Variants in RASGEF1B observed in about 807,000 individuals in gnomAD.
The protein encoded by RASGEF1B is RasGEF domain family member 1B, also known as ras-GEF domain-containing family member 1B.
Under a neutral mutation model 65.7 loss-of-function variants are expected in RASGEF1B, and 30 were observed. The ratio of observed to expected loss-of-function variants is 0.46; its 90% confidence interval spans 0.34 to 0.62. RASGEF1B has a LOEUF of 0.62. Among genes scored for constraint, RASGEF1B ranks in the 20% least tolerant of loss-of-function variants. RASGEF1B has a pLI of 0.01. For synonymous variants in RASGEF1B, 175 were observed against 194.8 expected, an observed-to-expected ratio of 0.90 and a Z score of 0.85; for missense variants, 495 against 580.1, an observed-to-expected ratio of 0.85 and a Z score of 1.51.
intron 8 of RASGEF1B, among the ~76,000 whole-genome samples, 177 bp downstream of exon 8, chr4:81,445,349 G>T (rs1179383358): frequency 2.0e-5 from 3 of 152,178 alleles, no homozygotes; most frequent in Non-Finnish European, 2.9e-5. Flanking sequence ...ACTTAAGAAA[G>T]ATTACACACA....
chr4:81,433,456 C>T lies in RASGEF1B; in HGVS notation c.1324+384G>A, dbSNP rs116392316. The stretch of plus-strand genomic sequence containing the variant: ...CAAAATGTTCCAGTACTTTTTTAAA[C>T]GGCAGGGGGTAGCAATTTACTGTTT... On this transcript the variant is annotated intron_variant, in intron 12 of 13. Transcript: ENST00000264400. Among the ~76,000 whole-genome samples the T allele has an allele frequency of 4.5e-3, 681 of 151,932 alleles. 7 individuals are homozygous for T. The highest frequency in any genetic ancestry group is 0.015 in the African/African-American group (632 of 41,440).
chr4:81,453,546 GAGGTT>G (rs950966862), intron 4 of RASGEF1B: 3 of 152,224 alleles, frequency 2.0e-5, no homozygotes, highest in African/African-American at 7.2e-5. Flanking sequence ...TTTTCAATCT[GAGGTT>G]GGTTGAACCC....
Position 81,434,668 on chromosome 4 carries a change from G to T in RASGEF1B, c.1171C>A (p.Arg391Ser), listed in dbSNP as rs373675008. 1 of 1,605,360 alleles carries T rather than the reference G, an allele frequency of 6.2e-7. No individual in the cohort carries two copies. Among genetic ancestry groups the T allele is most frequent in the Non-Finnish European group, 8.5e-7 (1 of 1,172,160 alleles). Residue 391 changes from arginine (R) to serine (S), a missense_variant, in exon 11 of 14, where the codon CGC becomes AGC. Arg to Ser is a moderately radical substitution (Grantham distance 110). Transcript: ENST00000264400. Reference protein sequence around the residue: ...IYFLNEGCANRLPNGHVNFEK... With the variant: ...IYFLNEGCANSLPNGHVNFEK... ...AAATTGACATGGCCATTGGGAAGGC[G>T]GTTGGCACAACCCTCATTGAGGAAA...
At chr4:81,438,639 G>A (rs1721728255) in intron 10 of RASGEF1B, among the ~76,000 whole-genome samples, 1 of 152,120 alleles carries the variant, frequency 6.6e-6, no homozygotes, top group South Asian at 2.1e-4. Context: ...GTGTCATGGT[G>A]GTTTGCTGCA....
chr4:81,440,280 A>G (rs546235224), intron 10 of RASGEF1B, among the ~76,000 whole-genome samples: 8 of 152,308 alleles, frequency 5.3e-5, no homozygotes, highest in South Asian at 2.1e-4. Context: ...GGATGGTACT[A>G]ACTTGTTTTA....
Position 81,433,891 on chromosome 4 carries a change from C to A in RASGEF1B, c.1273G>T (p.Asp425Tyr), listed in dbSNP as rs758476967. The A allele has an allele frequency of 6.2e-7, 1 of 1,614,042 alleles. No homozygotes were observed. Among genetic ancestry groups the A allele is most frequent in the South Asian group, 1.1e-5 (1 of 91,074 alleles). The stretch of plus-strand genomic sequence containing the variant: ...AGCAGATACTGCAAGATCTTCCGGT[C>A]CCTCTCAAATGGACACTCCACTTGT... ...WKQVECPFER[D>Y]RKILQYLLTV... Residue 425 changes from aspartate to tyrosine, a missense_variant, in exon 12 of 14, where the codon GAC becomes TAC. Asp to Tyr is a radical substitution (Grantham distance 160). Transcript: ENST00000264400.
intron 10 of RASGEF1B, among the ~76,000 whole-genome samples, chr4:81,437,969 T>A (rs1403362966): frequency 2.0e-5 from 3 of 152,304 alleles, no homozygotes; most frequent in African/African-American, 4.8e-5. Context: ...GTCAATGATG[T>A]TTTTAGCAGG....
At chr4:81,439,658 A>G (rs1721768256) in intron 10 of RASGEF1B, among the ~76,000 whole-genome samples, 1 of 152,176 alleles carries the variant, frequency 6.6e-6, no homozygotes, top group Non-Finnish European at 1.5e-5. Context: ...CTTACTCTTC[A>G]GTGTACTGCA....
At chr4:81,467,956 TAGCCAC>T (rs1560714485) in intron 1 of RASGEF1B, among the ~76,000 whole-genome samples, 1 of 152,230 alleles carries the variant, frequency 6.6e-6, no homozygotes, top group Non-Finnish European at 1.5e-5. Flanking sequence ...CAGCAGCCAC[TAGCCAC>T]AAGTGACTTA....
intron 4 of RASGEF1B, among the ~76,000 whole-genome samples, chr4:81,450,594 G>A (rs1008579355): frequency 5.9e-5 from 9 of 152,142 alleles, no homozygotes; most frequent in African/African-American, 2.2e-4. Context: ...TAGTAGAGAT[G>A]GGGTTTTGCC....
intron 1 of RASGEF1B, among the ~76,000 whole-genome samples, chr4:81,466,767 AAAAAAAGAAAG>A (rs1722830496): frequency 1.5e-5 from 2 of 129,482 alleles, no homozygotes; most frequent in African/African-American, 6.1e-5. Flanking sequence ...TCAAAAAAAA[AAAAAAAGAAAG>A]AAAGAAAGAA....
chr4:81,427,690 A>G lies in RASGEF1B; in HGVS notation c.*78T>C, dbSNP rs1721275339. 38 of 1,560,186 alleles carry G rather than the reference A, an allele frequency of 2.4e-5. No homozygotes were observed. In the South Asian group the frequency reaches 4.0e-4, roughly 17 times the overall value. On this transcript the variant is annotated 3_prime_UTR_variant, in exon 14 of 14. Transcript: ENST00000264400. ...GGTCTTCATGAGTGTTCGTGGTACG[A>G]GATGCCAGAAAACAAAGGCCAGCCC...
chr4:81,471,242 C>T (rs1190621924), intron 1 of RASGEF1B: 2 of 152,272 alleles, frequency 1.3e-5, no homozygotes, highest in Non-Finnish European at 2.9e-5. Flanking sequence ...TAAACAGCTC[C>T]CCCTACACAC....
intron 10 of RASGEF1B, among the ~76,000 whole-genome samples, chr4:81,435,650 A>G (rs1343473734): frequency 2.2e-5 from 3 of 138,504 alleles, no homozygotes; most frequent in Non-Finnish European, 3.1e-5. Flanking sequence ...TTTTTTTTGT[A>G]TTTTTTAGTA....
chr4:81,457,092 C>A (rs954394333), intron 3 of RASGEF1B, among the ~76,000 whole-genome samples: 2 of 152,146 alleles, frequency 1.3e-5, no homozygotes, highest in African/African-American at 2.4e-5. Flanking sequence ...AATCTCAGCT[C>A]ACTGCAACCT....
intron 3 of RASGEF1B, 35 bp downstream of exon 3, chr4:81,457,464 C>T (rs1722487196): frequency 1.2e-6 from 2 of 1,606,914 alleles, no homozygotes; most frequent in African/African-American, 1.3e-5. Context: ...ATAAAGTAAG[C>T]ATTCCTAATA....
At chr4:81,458,658 A>G (rs1478037313) in intron 2 of RASGEF1B, among the ~76,000 whole-genome samples, 1 of 152,202 alleles carries the variant, frequency 6.6e-6, no homozygotes, top group Non-Finnish European at 1.5e-5. Context: ...GGAAGGGGGA[A>G]AAAGTCACTT....
chr4:81,442,254 G>T (rs1173412049), intron 9 of RASGEF1B, 43 bp downstream of exon 9: 2 of 1,234,556 alleles, frequency 1.6e-6, no homozygotes, highest in Admixed American at 3.4e-5. Context: ...CCACTTTCCA[G>T]GTGTAAAGTG....
At chr4:81,435,671 T>C (rs377660005) in intron 10 of RASGEF1B, among the ~76,000 whole-genome samples, 6 of 149,878 alleles carry the variant, frequency 4.0e-5, no homozygotes, top group Admixed American at 2.0e-4. Flanking sequence ...GAGACAGGGT[T>C]TCACCGTGTT....
Sources: allele counts gnomAD v4.1 joint callset (sites outside exome capture counted in the v4.1 genomes callset), GRCh38; gene constraint gnomAD v4.1.1; transcripts MANE v1.5; gene names NCBI Gene and HGNC (gene_info 2026-07-23, HGNC 2026-07-21).